MALRD1: variants seen among roughly 807,000 people sequenced by gnomAD.
The protein encoded by MALRD1 is MAM and LDL receptor class A domain containing 1.
Under a neutral mutation model 242.1 loss-of-function variants are expected in MALRD1, and 247 were observed. The observed-to-expected ratio is 1.02, with a 90% CI of 0.92 to 1.13. MALRD1 has a LOEUF of 1.13. MALRD1 is among the 50% of genes most tolerant of loss of function. MALRD1 has a pLI of 0.00. For missense variants in MALRD1, 2,989 were observed against 2,533.1 expected (o/e 1.18, Z -3.86); for synonymous variants, 995 against 866.6 (o/e 1.15, Z -2.60).
intron 18 of MALRD1, among the ~76,000 whole-genome samples, chr10:19,253,865 T>C (rs899389850): frequency 6.6e-6 from 1 of 151,998 alleles, no homozygotes; most frequent in Non-Finnish European, 1.5e-5. Flanking sequence ...ACATCTCACC[T>C]TGAATTGTAA....
intron 14 of MALRD1, among the ~76,000 whole-genome samples, chr10:19,200,761 C>G (rs1188657161): frequency 2.0e-5 from 3 of 150,574 alleles, no homozygotes; most frequent in Non-Finnish European, 4.4e-5. Context: ...AGCAAGTATC[C>G]CCTGACGCCT....
At chr10:19,114,612 T>G (rs952966753) in intron 5 of MALRD1, among the ~76,000 whole-genome samples, 1 of 151,992 alleles carries the variant, frequency 6.6e-6, no homozygotes, top group African/African-American at 2.4e-5. Context: ...AAAAAAAGAC[T>G]CTGTCCTGGA....
chr10:19,574,460 GT>G (rs1564451513), intron 33 of MALRD1, among the ~76,000 whole-genome samples: 1 of 152,174 alleles, frequency 6.6e-6, no homozygotes, highest in Non-Finnish European at 1.5e-5. Flanking sequence ...CTCCAAAGTT[GT>G]TCTCAATTTC....
chr10:19,567,426 C>T (rs1228138396), intron 32 of MALRD1, 76 bp from the exon 33 acceptor site: 14 of 1,246,958 alleles, frequency 1.1e-5, no homozygotes, highest in Non-Finnish European at 1.6e-5. Flanking sequence ...AGATTTCATT[C>T]TTTCATCAAT....
At chr10:19,328,292 G>A (rs1416119417) in intron 23 of MALRD1, among the ~76,000 whole-genome samples, 3 of 152,124 alleles carry the variant, frequency 2.0e-5, no homozygotes, top group Non-Finnish European at 2.9e-5. Flanking sequence ...TACCAAGAAA[G>A]CAAGACCTCC....
intron 1 of MALRD1, among the ~76,000 whole-genome samples, chr10:19,061,063 A>G (rs1834809170): frequency 6.6e-6 from 1 of 152,168 alleles, no homozygotes; most frequent in African/African-American, 2.4e-5. Context: ...GTGTGACCTG[A>G]GCAATGAGAT....
intron 18 of MALRD1, among the ~76,000 whole-genome samples, chr10:19,215,387 T>A (rs1837261955): frequency 6.6e-6 from 1 of 152,212 alleles, no homozygotes; most frequent in Admixed American, 6.5e-5. Context: ...TCAGTCCTCT[T>A]CAATTAGGGC....
intron 33 of MALRD1, among the ~76,000 whole-genome samples, chr10:19,582,259 GC>G (rs1837167071): frequency 6.6e-6 from 1 of 151,888 alleles, no homozygotes; most frequent in African/African-American, 2.4e-5. Flanking sequence ...GTCTTTTGTT[GC>G]CATTGCTTTT....
chr10:19,432,528 T>C (rs939177954), intron 28 of MALRD1, among the ~76,000 whole-genome samples: 2 of 152,188 alleles, frequency 1.3e-5, no homozygotes, highest in African/African-American at 4.8e-5. Context: ...AATAAACACT[T>C]ATTTAGTGCC....
In MALRD1 at chr10:19,280,170, A is replaced by G; in HGVS notation, c.3203A>G (p.Gln1068Arg). The change falls in exon 20 of 40, where the codon CAG (glutamine) becomes CGG (arginine). Residue 1068 changes from glutamine (Q) to arginine (R), a missense_variant. Physicochemically the swap from Gln to Arg is conservative, Grantham distance 43 (BLOSUM62 1). Transcript: ENST00000454679. ...RSDGHCIEKM[Q>R]KCDFKYDCPD... Reference sequence around the variant, plus strand: ...GATGGTCACTGCATTGAAAAAATGCAGAAATGTGATTTTAAATATGACTGC... The same window carrying G: ...GATGGTCACTGCATTGAAAAAATGCGGAAATGTGATTTTAAATATGACTGC... 3 of 1,543,096 alleles carry G rather than the reference A, an allele frequency of 1.9e-6. No homozygotes were observed. The highest frequency in any genetic ancestry group is 1.4e-5 in the African/African-American group (1 of 72,718).
chr10:19,539,292 G>A (rs111235111), intron 32 of MALRD1, among the ~76,000 whole-genome samples: 240 of 152,222 alleles, frequency 1.6e-3, no homozygotes, highest in Non-Finnish European at 2.8e-3. Flanking sequence ...AGGTCATAGA[G>A]CTGGGCAGGT....
At chr10:19,586,221 C>G (rs1259796399) in intron 33 of MALRD1, among the ~76,000 whole-genome samples, 1 of 152,202 alleles carries the variant, frequency 6.6e-6, no homozygotes, top group Non-Finnish European at 1.5e-5. Flanking sequence ...CTTCTTCTCT[C>G]AGCTCGTCAA....
chr10:19,307,041 T>C (rs960171858), intron 21 of MALRD1, among the ~76,000 whole-genome samples: 6 of 151,432 alleles, frequency 4.0e-5, no homozygotes, highest in Non-Finnish European at 8.9e-5. Flanking sequence ...GAACAGAGGG[T>C]ATATGACAGA....
At chr10:19,672,429 T>C (rs1170713772) in intron 36 of MALRD1, among the ~76,000 whole-genome samples, 2 of 145,174 alleles carry the variant, frequency 1.4e-5, no homozygotes, top group South Asian at 4.3e-4. Context: ...TTTTTTTTTT[T>C]GTATTTTGTT....
At chr10:19,596,183 G>C (rs1353623558) in intron 34 of MALRD1, among the ~76,000 whole-genome samples, 3 of 152,058 alleles carry the variant, frequency 2.0e-5, no homozygotes, top group Non-Finnish European at 4.4e-5. Flanking sequence ...AGGTAGGGAA[G>C]GAAAAATGTT....
At chr10:19,490,795 A>G (rs1564386398) in intron 29 of MALRD1, among the ~76,000 whole-genome samples, 1 of 152,140 alleles carries the variant, frequency 6.6e-6, no homozygotes, top group Non-Finnish European at 1.5e-5. Context: ...TGGCTTGACT[A>G]TTTTTTTATA....
chr10:19,412,854 T>G (rs1269810633), intron 28 of MALRD1, among the ~76,000 whole-genome samples: 1 of 152,256 alleles, frequency 6.6e-6, no homozygotes, highest in Non-Finnish European at 1.5e-5. Flanking sequence ...TACCTATCAC[T>G]GTTTTCTCTC....
At chr10:19,534,362 A>C (rs1834556778) in intron 32 of MALRD1, among the ~76,000 whole-genome samples, 1 of 152,216 alleles carries the variant, frequency 6.6e-6, no homozygotes, top group Non-Finnish European at 1.5e-5. Context: ...AGTGAAGTGG[A>C]AACCCATTCT....
chr10:19,199,539 G>A (rs1171383645), intron 14 of MALRD1, among the ~76,000 whole-genome samples: 1 of 152,020 alleles, frequency 6.6e-6, no homozygotes, highest in Non-Finnish European at 1.5e-5. Flanking sequence ...AGTGGCTCAC[G>A]CCTGTAATCT....
Sources: allele counts gnomAD v4.1 joint callset (sites outside exome capture counted in the v4.1 genomes callset), GRCh38; gene constraint gnomAD v4.1.1; transcripts MANE v1.5; gene names NCBI Gene and HGNC (gene_info 2026-07-23, HGNC 2026-07-21).